Variants in CCDC3 observed in about 807,000 individuals in gnomAD.
CCDC3 encodes the protein coiled-coil domain containing 3.
In CCDC3, 24 loss-of-function variants were observed where a neutral mutation model predicts 21.4. The ratio of observed to expected loss-of-function variants is 1.12; its 90% confidence interval spans 0.81 to 1.58. The LOEUF (loss-of-function observed/expected upper bound fraction) is 1.58. CCDC3 is among the 40% of genes most tolerant of loss of function. The probability of loss-of-function intolerance (pLI) is 0.00; values close to 1 mark genes in which losing one functional copy is unlikely to be tolerated. For missense variants in CCDC3, 425 were observed against 360.9 expected (o/e 1.18, Z -1.44); for synonymous variants, 186 against 166.0 (o/e 1.12, Z -0.93).
At chr10:13,068,535 G>A (rs1052735336) in intron 4 of CCDC3, among the ~76,000 whole-genome samples, 7 of 152,152 alleles carry the variant, frequency 4.6e-5, no homozygotes, top group African/African-American at 1.7e-4. Flanking sequence ...GTAAATAGGT[G>A]ATCTAAATTA....
At chr10:12,928,247 A>G (rs1295889637) in intron 2 of CCDC3, among the ~76,000 whole-genome samples, 2 of 152,214 alleles carry the variant, frequency 1.3e-5, no homozygotes, top group African/African-American at 4.8e-5. Context: ...CACCAGATTC[A>G]AATTTTATTT....
At chr10:13,010,172 T>A (rs2131398095) in intron 5 of CCDC3, among the ~76,000 whole-genome samples, 1 of 152,204 alleles carries the variant, frequency 6.6e-6, no homozygotes, top group African/African-American at 2.4e-5. Context: ...CGCTTGAACC[T>A]GGGAGGTAGA....
At chr10:13,087,333 G>C (rs1170045738) in intron 3 of CCDC3, among the ~76,000 whole-genome samples, 1 of 151,784 alleles carries the variant, frequency 6.6e-6, no homozygotes, top group African/African-American at 2.4e-5. Context: ...GAACCCAGGA[G>C]GTAGAGGTTG....
At chr10:12,957,368 C>G (rs2131253541) in intron 2 of CCDC3, among the ~76,000 whole-genome samples, 1 of 152,336 alleles carries the variant, frequency 6.6e-6, no homozygotes, top group African/African-American at 2.4e-5. Flanking sequence ...CTATCTTTAC[C>G]AACCGTAACT....
chr10:13,060,680 T>A (rs1008968713), intron 4 of CCDC3, among the ~76,000 whole-genome samples: 10 of 152,100 alleles, frequency 6.6e-5, no homozygotes, highest in African/African-American at 2.2e-4. Flanking sequence ...AATTTTTAAA[T>A]TTTTTGTAGA....
At chr10:13,004,138 A>G (rs552229724), upstream of CCDC3, among the ~76,000 whole-genome samples, 68 of 152,230 alleles carry the variant, frequency 4.5e-4, no homozygotes, top group Middle Eastern at 3.4e-3. Context: ...TGATTCCGAG[A>G]CCTATATGTC....
rs114400845 is a variant in CCDC3 at position 13,037,190 on chromosome 10, G to T, written c.-2+12484C>A. Reference sequence around the variant, plus strand: ...TTTAAAAATAAAAATGTCTAAAATAGCGTACAAGCCCTCAGCTTTAATAAT... The same window carrying T: ...TTTAAAAATAAAAATGTCTAAAATATCGTACAAGCCCTCAGCTTTAATAAT... On this transcript the variant is annotated intron_variant, in intron 5 of 6. Coordinates refer to the CCDC3 transcript ENST00000378839. Among the ~76,000 whole-genome samples, 583 of 152,188 alleles carry T rather than the reference G, an allele frequency of 3.8e-3. 6 individuals carry two copies. Among genetic ancestry groups the T allele is most frequent in the African/African-American group, 0.014 (563 of 41,508 alleles).
At chr10:13,072,766 A>G (rs1209152106) in intron 4 of CCDC3, among the ~76,000 whole-genome samples, 4 of 152,086 alleles carry the variant, frequency 2.6e-5, no homozygotes, top group Non-Finnish European at 1.5e-5. Flanking sequence ...GTCATGTGAC[A>G]TGAACCCAGT....
Position 13,012,539 on chromosome 10 carries a change from CAG to C in CCDC3, c.-1-14029_-1-14028del, listed in dbSNP as rs201280784. On this transcript the variant is annotated intron_variant, in intron 5 of 6. Coordinates refer to the CCDC3 transcript ENST00000378839. ...TATTATTTAAAAAGTCAAAATATAA[CAG>C]ATGCTGGCAAGGTTGTAGAGAAAAG... Among the ~76,000 whole-genome samples, 320 of 152,038 alleles carry C rather than the reference CAG, an allele frequency of 2.1e-3. 3 individuals carry two copies. Among genetic ancestry groups the C allele is most frequent in the African/African-American group, 7.3e-3 (301 of 41,480 alleles).
chr10:12,906,047 G>C (rs1834166323), intron 2 of CCDC3, among the ~76,000 whole-genome samples: 2 of 152,216 alleles, frequency 1.3e-5, no homozygotes, highest in South Asian at 4.1e-4. Context: ...ATGCAGCTTT[G>C]TTCTCCCATT....
At chr10:12,958,329 G>A (rs1427328359) in intron 2 of CCDC3, among the ~76,000 whole-genome samples, 2 of 152,136 alleles carry the variant, frequency 1.3e-5, no homozygotes, top group Non-Finnish European at 2.9e-5. Context: ...CTGACACCAT[G>A]AGGCGACAGA....
intron 3 of CCDC3, among the ~76,000 whole-genome samples, chr10:13,095,818 G>A (rs1173696655): frequency 6.6e-6 from 1 of 152,160 alleles, no homozygotes; most frequent in African/African-American, 2.4e-5. Flanking sequence ...TATGATTCAT[G>A]GCTTTCAATT....
At chr10:13,082,578 G>A (rs928456811) in intron 3 of CCDC3, among the ~76,000 whole-genome samples, 2 of 152,116 alleles carry the variant, frequency 1.3e-5, no homozygotes, top group African/African-American at 4.8e-5. Context: ...TAACTCCCCT[G>A]GGGAAAGGGA....
chr10:12,939,453 T>A (rs2131236372), intron 2 of CCDC3, among the ~76,000 whole-genome samples: 1 of 152,280 alleles, frequency 6.6e-6, no homozygotes, highest in South Asian at 2.1e-4. Flanking sequence ...TACAAACCCA[T>A]CTCTACTGAA....
chr10:13,009,854 A>C (rs1165036408), intron 5 of CCDC3, among the ~76,000 whole-genome samples: 2 of 152,268 alleles, frequency 1.3e-5, no homozygotes, highest in East Asian at 3.8e-4. Flanking sequence ...AAAATATCTA[A>C]TAAAAGAATG....
intron 2 of CCDC3, among the ~76,000 whole-genome samples, chr10:12,935,637 T>C (rs1347874042): frequency 6.6e-6 from 1 of 152,126 alleles, no homozygotes; most frequent in East Asian, 1.9e-4. Context: ...TCCTAGAGTT[T>C]ACAGTATACA....
At chr10:12,981,471 C>T (rs903402570) in intron 2 of CCDC3, among the ~76,000 whole-genome samples, 2 of 152,022 alleles carry the variant, frequency 1.3e-5, no homozygotes, top group African/African-American at 4.8e-5. Context: ...CAGGCGTGAG[C>T]CACCGTGCCC....
intron 5 of CCDC3, among the ~76,000 whole-genome samples, chr10:13,037,905 C>T (rs917319779): frequency 6.6e-6 from 1 of 152,162 alleles, no homozygotes; most frequent in Non-Finnish European, 1.5e-5. Context: ...CTCTACACTT[C>T]CCTACTCCTC....
chr10:13,016,332 G>GC (rs1836058612), intron 5 of CCDC3, among the ~76,000 whole-genome samples: 1 of 104,790 alleles, frequency 9.5e-6, no homozygotes, highest in Non-Finnish European at 2.0e-5. Context: ...TTTTGGTAAA[G>GC]CGAAAAAAAA....
Sources: allele counts gnomAD v4.1 joint callset (sites outside exome capture counted in the v4.1 genomes callset), GRCh38; gene constraint gnomAD v4.1.1; transcripts MANE v1.5; gene names NCBI Gene and HGNC (gene_info 2026-07-23, HGNC 2026-07-21).